CALN1: variants seen among roughly 807,000 people sequenced by gnomAD.
CALN1 encodes calcium-binding protein 8.
In CALN1, 17 loss-of-function variants were observed where a neutral mutation model predicts 30.6. The ratio of observed to expected loss-of-function variants is 0.56; its 90% CI spans 0.38 to 0.83. The LOEUF (loss-of-function observed/expected upper bound fraction) is 0.83. Among genes scored for constraint, CALN1 ranks in the 40% least tolerant of loss-of-function variants. The pLI is 0.00. For synonymous variants in CALN1, 156 were observed against 131.4 expected (o/e 1.19, Z -1.28); for missense variants, 291 against 354.9 (o/e 0.82, Z 1.45).
chr7:71,861,922 G>A (rs1376133206), intron 5 of CALN1, among the ~76,000 whole-genome samples: 1 of 152,046 alleles, frequency 6.6e-6, no homozygotes, highest in East Asian at 1.9e-4. Flanking sequence ...AGGGCTGCCT[G>A]TCTACTTAGA....
chr7:72,393,332 C>T (rs4392769), intron 2 of CALN1, among the ~76,000 whole-genome samples: 2,423 of 151,994 alleles, frequency 0.016, 30 homozygotes, highest in African/African-American at 0.032. Flanking sequence ...GGCATGGTGG[C>T]GGGCACCTGT....
chr7:72,168,294 C>T (rs1788673345), intron 3 of CALN1, among the ~76,000 whole-genome samples: 1 of 150,614 alleles, frequency 6.6e-6, no homozygotes, highest in Non-Finnish European at 1.5e-5. Flanking sequence ...TTCACATAGA[C>T]AGTCCAACGA....
At chr7:72,151,763 G>C (rs1314445880) in intron 3 of CALN1, among the ~76,000 whole-genome samples, 1 of 152,094 alleles carries the variant, frequency 6.6e-6, no homozygotes, top group African/African-American at 2.4e-5. Flanking sequence ...GTAGGCTGGA[G>C]TTCAGTAGCA....
chr7:72,330,341 G>A (rs993029888), intron 2 of CALN1, among the ~76,000 whole-genome samples: 3 of 151,528 alleles, frequency 2.0e-5, no homozygotes, highest in Admixed American at 1.3e-4. Flanking sequence ...GGTGGTGTAC[G>A]TCTGTAATCC....
At chr7:72,216,939 T>C (rs1261076260) in intron 3 of CALN1, among the ~76,000 whole-genome samples, 2 of 152,026 alleles carry the variant, frequency 1.3e-5, no homozygotes, top group Non-Finnish European at 2.9e-5. Context: ...AGATGGGGTC[T>C]TGCTATGTTG....
At chr7:72,189,315 A>G (rs1022746315) in intron 3 of CALN1, among the ~76,000 whole-genome samples, 9 of 152,156 alleles carry the variant, frequency 5.9e-5, no homozygotes, top group African/African-American at 1.9e-4. Context: ...TTGTTTGGAG[A>G]GCGGACTTTT....
chr7:71,792,176 T>C (rs1786605775), intron 6 of CALN1, among the ~76,000 whole-genome samples: 1 of 152,186 alleles, frequency 6.6e-6, no homozygotes, highest in African/African-American at 2.4e-5. Context: ...CATTGTACTA[T>C]ATTTTTGTAT....
In CALN1 at chr7:71,857,020, G is replaced by GTGTA. The variant is rs200972226; in HGVS notation, c.502-46529_502-46528insTACA. ...AACCTCATGGTGTGTATATGTATGT[G>GTGTA]TGTGTGTGTGTGTGTGTGTGTGTGT... On this transcript the variant is annotated intron_variant, in intron 5 of 6. Transcript: ENST00000395275. 5.7e-3 allele frequency among the ~76,000 whole-genome samples: 543 copies of GTGTA among 94,576 alleles called. 3 individuals are homozygous for GTGTA. Among genetic ancestry groups the GTGTA allele is most frequent in the East Asian group, 0.02 (20 of 1,008 alleles). 62.0% of individuals were successfully genotyped at this position (94,576 alleles called of 152,430 possible). A position where few individuals can be genotyped will look rare whatever the true frequency, so the allele number is the denominator to read the frequency against.
At chr7:72,407,356 G>A (rs1585683007) in intron 1 of CALN1, among the ~76,000 whole-genome samples, 1 of 152,210 alleles carries the variant, frequency 6.6e-6, no homozygotes, top group Non-Finnish European at 1.5e-5. Flanking sequence ...TTGGATTTGT[G>A]TCCCCACCCA....
intron 2 of CALN1, among the ~76,000 whole-genome samples, chr7:72,377,505 T>C (rs907354607): frequency 2.0e-5 from 3 of 151,750 alleles, no homozygotes; most frequent in Non-Finnish European, 4.4e-5. Flanking sequence ...TATTGAATGC[T>C]GAACATTTTT....
intron 5 of CALN1, among the ~76,000 whole-genome samples, chr7:71,859,723 C>G (rs1299522030): frequency 6.6e-6 from 1 of 152,186 alleles, no homozygotes; most frequent in Non-Finnish European, 1.5e-5. Flanking sequence ...TATGAATAAG[C>G]TGTAGGATGG....
rs567824739 is a variant in CALN1, at chr7:72,214,255, G to A, written c.244+64431C>T. Among the ~76,000 whole-genome samples, 34 of 152,284 alleles carry A rather than the reference G, an allele frequency of 2.2e-4. No individual in the cohort carries two copies. In the South Asian group the frequency reaches 6.2e-3, roughly 28 times the overall value. ...AGCACTTTGGGAGGCCTAGGCAGACGGATTGCCTGAGGTCAGGAGTTTGAC... is the reference window on the plus strand; with the variant it reads ...AGCACTTTGGGAGGCCTAGGCAGACAGATTGCCTGAGGTCAGGAGTTTGAC... On this transcript the variant is annotated intron_variant, in intron 3 of 6. Transcript: ENST00000395275.
intron 1 of CALN1, among the ~76,000 whole-genome samples, chr7:72,441,584 C>G (rs562799015): frequency 4.2e-5 from 5 of 120,292 alleles, no homozygotes; most frequent in African/African-American, 1.7e-4. Context: ...AGCAACAGAG[C>G]GACACTCCGT....
At chr7:71,817,686 T>C (rs1788347329) in intron 5 of CALN1, among the ~76,000 whole-genome samples, 1 of 152,060 alleles carries the variant, frequency 6.6e-6, no homozygotes, top group African/African-American at 2.4e-5. Flanking sequence ...CAGCTAATTT[T>C]TGCATTTTTA....
chr7:72,491,016 G>A, the CALN1 span, among the ~76,000 whole-genome samples: 10 of 152,174 alleles, frequency 6.6e-5, no homozygotes, highest in Non-Finnish European at 8.8e-5. Context: ...AGGCCGAGGC[G>A]GGTGGATCAC....
At chr7:72,439,260 G>A (rs1022695339) in intron 1 of CALN1, among the ~76,000 whole-genome samples, 24 of 152,078 alleles carry the variant, frequency 1.6e-4, no homozygotes, top group Non-Finnish European at 2.9e-5. Context: ...TCAAACCCCT[G>A]AGCTCATGCA....
intron 2 of CALN1, among the ~76,000 whole-genome samples, chr7:72,382,749 C>T (rs1430494529): frequency 6.6e-6 from 1 of 152,134 alleles, no homozygotes; most frequent in Non-Finnish European, 1.5e-5. Context: ...TTCAACCTAG[C>T]ATGATAGTCT....
rs369369769 is a variant in CALN1 at position 71,866,808 on chromosome 7, T to C, written c.502-56316A>G. Among the ~76,000 whole-genome samples, 7 of 152,256 alleles carry C rather than the reference T, an allele frequency of 4.6e-5. No homozygotes were observed. In the East Asian group the frequency reaches 1.4e-3, roughly 29 times the overall value. On this transcript the variant is annotated intron_variant, in intron 5 of 6. Transcript: ENST00000395275. ...GAAATAGGGGGAGAAAGGTCTGTTA[T>C]TTGAAAAAGGAGAAAATTTGGCAGA...
At chr7:72,481,759 A>G in the CALN1 span, among the ~76,000 whole-genome samples, 1 of 152,066 alleles carries the variant, frequency 6.6e-6, no homozygotes, top group African/African-American at 2.4e-5. Flanking sequence ...GTATTTGGGA[A>G]TTTTCAGGAA....
Sources: gnomAD v4.1 joint callset for allele counts (sites outside exome capture counted in the v4.1 genomes callset) on GRCh38, gnomAD v4.1.1 for gene constraint, MANE v1.5 for transcripts, NCBI Gene and HGNC (gene_info 2026-07-23, HGNC 2026-07-21) for gene names.